Variants in KCNK2 observed in about 807,000 individuals in gnomAD.
KCNK2 encodes the protein potassium two pore domain channel subfamily K member 2.
KCNK2 carries 21 observed loss-of-function variants against 40.5 expected under a neutral mutation model. That is an observed-to-expected ratio of 0.52 (90% CI 0.37 to 0.75). The LOEUF is 0.75. KCNK2 is among the 30% of genes least tolerant of loss of function. The pLI is 0.00. For missense variants in KCNK2, 399 were observed against 531.6 expected (o/e 0.75, Z 2.45); for synonymous variants, 191 against 202.2 (o/e 0.94, Z 0.47).
At chr1:215,207,653 G>C (rs928564805) in intron 6 of KCNK2, among the ~76,000 whole-genome samples, 12 of 152,178 alleles carry the variant, frequency 7.9e-5, no homozygotes, top group Non-Finnish European at 4.4e-5. Flanking sequence ...TCATAATGAA[G>C]GAGGTTTTAC....
chr1:215,109,021 C>A (rs951313171), intron 2 of KCNK2, among the ~76,000 whole-genome samples: 2 of 151,460 alleles, frequency 1.3e-5, no homozygotes, highest in African/African-American at 2.4e-5. Flanking sequence ...ATATATATAT[C>A]ATTCATTCAT....
At chr1:215,023,217 T>C (rs1176561597) in intron 1 of KCNK2, among the ~76,000 whole-genome samples, 1 of 152,166 alleles carries the variant, frequency 6.6e-6, no homozygotes, top group Non-Finnish European at 1.5e-5. Flanking sequence ...ATTATTATTT[T>C]TTTTGTATCT....
chr1:215,171,354 A>G (rs1317734007), intron 4 of KCNK2, among the ~76,000 whole-genome samples: 1 of 152,094 alleles, frequency 6.6e-6, no homozygotes, highest in African/African-American at 2.4e-5. Flanking sequence ...TAGCTTTGTT[A>G]GTTATACAAT....
At chr1:215,030,889 C>T (rs1400228685) in intron 1 of KCNK2, among the ~76,000 whole-genome samples, 1 of 151,994 alleles carries the variant, frequency 6.6e-6, no homozygotes, top group Non-Finnish European at 1.5e-5. Flanking sequence ...CTGTGTTTTA[C>T]ATTCGGTTCT....
intron 1 of KCNK2, among the ~76,000 whole-genome samples, chr1:215,086,129 G>GT (rs753300969): frequency 3.9e-5 from 6 of 152,030 alleles, no homozygotes; most frequent in Non-Finnish European, 8.8e-5. Flanking sequence ...TTCGACTCCA[G>GT]TTTTTTTCCT....
Position 215,217,033 on chromosome 1 carries a change from C to T in KCNK2, c.964-17795C>T, listed in dbSNP as rs189993754. Among the ~76,000 whole-genome samples, 5 of 152,330 alleles carry T rather than the reference C, an allele frequency of 3.3e-5. No homozygotes were observed. The East Asian group carries it at 7.7e-4, about 24-fold the overall frequency. The stretch of plus-strand genomic sequence containing the variant: ...AAACAGAAAGAAGAGGAGTAAAAGA[C>T]TAACTGCAGGGACAATGACATAAAT... On this transcript the variant is annotated intron_variant, in intron 6 of 6. Transcript: ENST00000444842.
At chr1:215,018,072 C>G (rs539169076) in intron 1 of KCNK2, among the ~76,000 whole-genome samples, 1 of 152,050 alleles carries the variant, frequency 6.6e-6, no homozygotes, top group Non-Finnish European at 1.5e-5. Flanking sequence ...CAATTGAGAA[C>G]ATATATAATA....
At chr1:215,077,383 G>C (rs1394395893) in intron 1 of KCNK2, among the ~76,000 whole-genome samples, 1 of 152,062 alleles carries the variant, frequency 6.6e-6, no homozygotes, top group Non-Finnish European at 1.5e-5. Context: ...CCAAAGGGAC[G>C]CAGAGCCCTG....
chr1:215,074,426 A>T (rs1406388105), intron 1 of KCNK2, among the ~76,000 whole-genome samples: 17 of 152,288 alleles, frequency 1.1e-4, no homozygotes, highest in Middle Eastern at 3.4e-3. Context: ...TATTCCATTT[A>T]TGTCTTGTGA....
At chr1:215,123,730 T>C (rs1382454274) in intron 2 of KCNK2, among the ~76,000 whole-genome samples, 1 of 152,210 alleles carries the variant, frequency 6.6e-6, no homozygotes, top group Non-Finnish European at 1.5e-5. Flanking sequence ...CTTCCAATTC[T>C]ATAATATGAA....
intron 3 of KCNK2, among the ~76,000 whole-genome samples, chr1:215,148,669 A>G (rs1171745105): frequency 6.6e-6 from 1 of 152,214 alleles, no homozygotes; most frequent in African/African-American, 2.4e-5. Flanking sequence ...TTTATGATTA[A>G]GAAGAGAGAC....
intron 3 of KCNK2, among the ~76,000 whole-genome samples, chr1:215,154,579 G>C (rs1307722208): frequency 1.3e-5 from 2 of 152,122 alleles, no homozygotes; most frequent in Admixed American, 1.3e-4. Flanking sequence ...AAGCTCTTTA[G>C]TTTAATTATA....
At position 215,234,897 on chromosome 1, in the gene KCNK2, A is replaced by G; in HGVS notation, c.1033A>G (p.Arg345Gly). 1 of 1,614,118 alleles carries G rather than the reference A, an allele frequency of 6.2e-7. No homozygotes were observed. Among genetic ancestry groups the G allele is most frequent in the Non-Finnish European group, 8.5e-7 (1 of 1,180,012 alleles). Residue 345 changes from arginine (R) to glycine (G), a missense_variant, in exon 7 of 7, where the codon AGG becomes GGG. By Grantham distance (125) the Arg-to-Gly change is moderately radical. Coordinates refer to ENST00000444842, the MANE Select transcript of KCNK2 (RefSeq NM_001017425.3). ...CACAGCCGAATTCAAAGAAACCAGG[A>G]GGCGACTGAGTGTGGAGATTTATGA... ...NVTAEFKETR[R>G]RLSVEIYDKF... is the part of the protein sequence containing the mutation.
chr1:215,181,116 A>G (rs955139938), intron 5 of KCNK2, among the ~76,000 whole-genome samples: 1 of 152,106 alleles, frequency 6.6e-6, no homozygotes, highest in African/African-American at 2.4e-5. Context: ...ATTAGAGTTC[A>G]AGCTCTGAAA....
chr1:215,099,317 A>G (rs796116176), intron 2 of KCNK2, among the ~76,000 whole-genome samples: 4 of 151,892 alleles, frequency 2.6e-5, no homozygotes, highest in African/African-American at 4.8e-5. Flanking sequence ...CTCTAACTTC[A>G]TCCATGTCCC....
intron 6 of KCNK2, among the ~76,000 whole-genome samples, chr1:215,233,819 G>A (rs1024010741): frequency 1.1e-4 from 17 of 152,114 alleles, no homozygotes; most frequent in Admixed American, 3.3e-4. Context: ...TTAAATTCTG[G>A]TTAGTTAAGA....
intron 6 of KCNK2, among the ~76,000 whole-genome samples, chr1:215,203,939 G>A (rs760478846): frequency 6.7e-5 from 10 of 148,916 alleles, no homozygotes; most frequent in Non-Finnish European, 3.0e-5. Flanking sequence ...TCGGGAGGCC[G>A]AGGGAGGAGA....
chr1:215,082,721 A>G (rs1659216085), upstream of KCNK2, among the ~76,000 whole-genome samples: 1 of 151,344 alleles, frequency 6.6e-6, no homozygotes, highest in South Asian at 2.1e-4. Flanking sequence ...AAGAGGAGGG[A>G]GTTCCGAAAG....
intron 1 of KCNK2, among the ~76,000 whole-genome samples, chr1:215,015,654 A>T (rs1199218661): frequency 1.3e-5 from 2 of 152,108 alleles, no homozygotes; most frequent in Non-Finnish European, 2.9e-5. Context: ...ATTCTTTGTT[A>T]TCACCTTTGA....
Sources: allele counts gnomAD v4.1 joint callset (sites outside exome capture counted in the v4.1 genomes callset), GRCh38; gene constraint gnomAD v4.1.1; transcripts MANE v1.5; gene names NCBI Gene and HGNC (gene_info 2026-07-23, HGNC 2026-07-21).